TMEFF1: variants seen among roughly 807,000 people sequenced by gnomAD.
The protein encoded by TMEFF1 is transmembrane protein with EGF like and two follistatin like domains 1, also known as tomoregulin-1.
TMEFF1 carries 20 observed loss-of-function variants against 47.5 expected under a neutral mutation model. The ratio of observed to expected loss-of-function variants is 0.42; its 90% CI spans 0.30 to 0.61. The LOEUF (loss-of-function observed/expected upper bound fraction) is 0.61, where lower values mean the gene tolerates loss of function less well. TMEFF1 is among the 20% of genes least tolerant of loss of function. The pLI, the probability that TMEFF1 is intolerant of heterozygous loss-of-function variation, is 0.19. For missense variants in TMEFF1, 411 were observed against 471.1 expected, an observed-to-expected ratio of 0.87 and a Z score of 1.18; for synonymous variants, 162 against 166.3, an observed-to-expected ratio of 0.97 and a Z score of 0.20.
chr9:100,532,523 C>A (rs1838407082), intron 5 of TMEFF1, among the ~76,000 whole-genome samples: 1 of 152,194 alleles, frequency 6.6e-6, no homozygotes, highest in East Asian at 1.9e-4. Context: ...AAATGCAAAT[C>A]AAAACCACAA....
chr9:100,560,062 T>G (rs1258779376), intron 7 of TMEFF1, among the ~76,000 whole-genome samples: 1 of 152,158 alleles, frequency 6.6e-6, no homozygotes, highest in Non-Finnish European at 1.5e-5. Flanking sequence ...ATCTTCCTCT[T>G]GATCTTCTCC....
chr9:100,561,900 A>G (rs932135339), intron 8 of TMEFF1, among the ~76,000 whole-genome samples: 8 of 152,222 alleles, frequency 5.3e-5, no homozygotes, highest in Non-Finnish European at 1.2e-4. Context: ...ATAGATTTCT[A>G]AAAATAAGGG....
chr9:100,482,372 A>G (rs181898611), intron 1 of TMEFF1, among the ~76,000 whole-genome samples: 68 of 151,484 alleles, frequency 4.5e-4, no homozygotes, highest in African/African-American at 1.6e-3. Flanking sequence ...TAATTTTTGA[A>G]TTTTTAGTAG....
chr9:100,546,441 C>G (rs1450464250), intron 5 of TMEFF1, among the ~76,000 whole-genome samples: 3 of 151,758 alleles, frequency 2.0e-5, no homozygotes, highest in South Asian at 2.1e-4. Flanking sequence ...CCCCCCCCAC[C>G]AGGTTCCTCC....
In TMEFF1 at chr9:100,473,553, C is replaced by T. The variant is rs751195758; in HGVS notation, c.9C>T (p.Ala3=). The change falls in exon 1 of 10, where the codon GCC becomes GCT. Residue 3 remains alanine, a synonymous_variant. Transcript: ENST00000374879. The surrounding 1 kb of genome is among the most constrained non-coding windows in gnomAD (Gnocchi z 5.4). ...GTCCAGGGGCACCAGTCATGGGCGC[C>T]GCAGCCGCTGAGGCGCCGCTCCGGC... The part of the protein sequence containing the change: MG[A]AAAEAPLRLP... 4.2e-5 allele frequency: 64 copies of T among 1,523,716 alleles called. No individual in the cohort carries two copies. Among genetic ancestry groups the T allele is most frequent in the Non-Finnish European group, 5.3e-5 (60 of 1,138,486 alleles). The allele number at this position is 1,523,716 out of a possible 1,614,324, so 94.4% of individuals were successfully genotyped here.
intron 1 of TMEFF1, among the ~76,000 whole-genome samples, chr9:100,474,292 TGAG>T (rs1390820336): frequency 6.6e-6 from 1 of 150,692 alleles, no homozygotes; most frequent in East Asian, 2.0e-4. Flanking sequence ...CGGGTTGTCT[TGAG>T]GACGCGGTTT....
At chr9:100,518,146 A>T (rs1026247329) in intron 5 of TMEFF1, among the ~76,000 whole-genome samples, 22 of 152,174 alleles carry the variant, frequency 1.4e-4, no homozygotes, top group African/African-American at 5.1e-4. Flanking sequence ...TATTCCATCT[A>T]GTCTCAGAAG....
chr9:100,576,707 G>A lies in TMEFF1; in HGVS notation c.*107G>A, dbSNP rs1230177907. The A allele has an allele frequency of 5.3e-6, 7 of 1,332,610 alleles. No individual in the cohort carries two copies. Among genetic ancestry groups the A allele is most frequent in the Admixed American group, 2.4e-5 (1 of 41,410 alleles). 82.5% of individuals were successfully genotyped at this position (1,332,610 alleles called of 1,614,324 possible). On this transcript the variant is annotated 3_prime_UTR_variant, in exon 10 of 10. Transcript: ENST00000374879. ...GAGGCCTTATTTTTGGACATTTTTAGTGTAGTACTGTTGGCTCGTATTTAG... is the reference window on the plus strand; with the variant it reads ...GAGGCCTTATTTTTGGACATTTTTAATGTAGTACTGTTGGCTCGTATTTAG...
chr9:100,497,320 C>CTTTTTTTTTTGTTTTTTTTTTTTTTTT (rs1837668604), intron 1 of TMEFF1, among the ~76,000 whole-genome samples: 1 of 59,526 alleles, frequency 1.7e-5, no homozygotes, highest in Non-Finnish European at 3.1e-5. Context: ...CCACTCATGT[C>CTTTTTTTTTTGTTTTTTTTTTTTTTTT]TTTTTTTTTT....
At position 100,509,099 on chromosome 9, in the gene TMEFF1, A is replaced by T. The variant is rs776093858; in HGVS notation, c.401A>T (p.Glu134Val). The T allele has an allele frequency of 8.8e-6, 14 of 1,594,854 alleles. 1 individual carries two copies. The South Asian group carries it at 1.6e-4, about 18-fold the overall frequency. ...AGGGCTGCTTGTAAGCACCAGAAAG[A>T]GATAACAGTAATAGCAAGAGGACCA... The part of the protein sequence containing the change: ...LRRAACKHQK[E>V]ITVIARGPCY... The change falls in exon 3 of 10, where the codon GAG (glutamate) becomes GTG (valine). Residue 134 changes from glutamate to valine, a missense_variant. Coordinates refer to ENST00000374879, the MANE Select transcript of TMEFF1 (RefSeq NM_003692.5).
At chr9:100,576,212 G>A (rs181241731) in intron 9 of TMEFF1, among the ~76,000 whole-genome samples, 1 of 152,168 alleles carries the variant, frequency 6.6e-6, no homozygotes, top group African/African-American at 2.4e-5. Flanking sequence ...GCTGGAGGAA[G>A]GGTGGGATAT....
chr9:100,514,955 A>G (rs995328114), intron 4 of TMEFF1, among the ~76,000 whole-genome samples: 10 of 152,200 alleles, frequency 6.6e-5, no homozygotes, highest in African/African-American at 2.2e-4. Context: ...AGATTGCGCC[A>G]CTGCACTCCA....
rs148478808 is a variant in TMEFF1, at chr9:100,499,062, A to G, written c.306+188A>G. Among the ~76,000 whole-genome samples the G allele has an allele frequency of 1.3e-4, 20 of 152,292 alleles. No individual in the cohort carries two copies. The East Asian group carries it at 3.9e-3, about 29-fold the overall frequency. ...TCCATACTGCTTGCATGGAATTGAG[A>G]GGACAGATTGACAATAATAGATGTG... is the stretch of plus-strand genomic sequence containing the variant. On this transcript the variant is annotated intron_variant, in intron 2 of 9. Transcript: ENST00000374879.
At position 100,547,937 on chromosome 9, in the gene TMEFF1, A is replaced by G. The variant is rs764878538; in HGVS notation, c.709+45A>G. The G allele has an allele frequency of 3.5e-6, 5 of 1,445,520 alleles. No homozygotes were observed. In the African/African-American group the frequency reaches 4.4e-5, roughly 13 times the overall value. 89.5% of individuals were successfully genotyped at this position (1,445,520 alleles called of 1,614,324 possible). On this transcript the variant is annotated intron_variant, in intron 6 of 9. Coordinates refer to ENST00000374879, the MANE Select transcript of TMEFF1 (RefSeq NM_003692.5). ...TTCAGAGACCCATCTTTATTATTGT[A>G]TAAATGTAATCTTATTTGTACATTT...
chr9:100,573,508 TG>T (rs1348359885), intron 9 of TMEFF1, among the ~76,000 whole-genome samples: 1 of 152,210 alleles, frequency 6.6e-6, no homozygotes, highest in Non-Finnish European at 1.5e-5. Context: ...AAGTTCGTGT[TG>T]TCTTTGTGCT....
At chr9:100,511,815 G>T (rs1013913126) in intron 3 of TMEFF1, among the ~76,000 whole-genome samples, 5 of 152,140 alleles carry the variant, frequency 3.3e-5, no homozygotes, top group Non-Finnish European at 7.3e-5. Flanking sequence ...GATGTGTATC[G>T]TAATCTCAGG....
intron 8 of TMEFF1, among the ~76,000 whole-genome samples, chr9:100,566,356 A>G (rs998373863): frequency 3.9e-5 from 6 of 152,142 alleles, no homozygotes; most frequent in Non-Finnish European, 5.9e-5. Flanking sequence ...TTCCACATGG[A>G]CGTCTGACAC....
intron 8 of TMEFF1, among the ~76,000 whole-genome samples, chr9:100,566,688 C>T (rs187888531): frequency 1.1e-3 from 169 of 151,878 alleles, no homozygotes; most frequent in Non-Finnish European, 8.2e-4. Context: ...AGTGAGTGCC[C>T]CCGCCTTTTT....
chr9:100,477,620 CTTTT>C (rs869245620), intron 1 of TMEFF1, among the ~76,000 whole-genome samples: 1 of 106,760 alleles, frequency 9.4e-6, no homozygotes, highest in Non-Finnish European at 1.8e-5. Flanking sequence ...TGCATTCCGC[CTTTT>C]TTTTTTTTTT....
Sources: gnomAD v4.1 joint callset for allele counts (sites outside exome capture counted in the v4.1 genomes callset) on GRCh38, gnomAD v4.1.1 for gene constraint, Gnocchi (gnomAD v3.1) non-coding constraint, MANE v1.5 for transcripts, NCBI Gene and HGNC (gene_info 2026-07-23, HGNC 2026-07-21) for gene names.